PCDH15: variants seen among roughly 807,000 people sequenced by gnomAD.
PCDH15 encodes protocadherin-15.
PCDH15 carries 129 observed loss-of-function variants against 178.5 expected under a neutral mutation model. The ratio of observed to expected loss-of-function variants is 0.72; its 90% CI spans 0.63 to 0.84. The LOEUF is 0.84. PCDH15 is among the 40% of genes least tolerant of loss of function. The probability of loss-of-function intolerance (pLI) is 0.00; values close to 1 mark genes in which losing one functional copy is unlikely to be tolerated. For synonymous variants in PCDH15, 800 were observed against 732.0 expected, an observed-to-expected ratio of 1.09 and a Z score of -1.50; for missense variants, 2,230 against 2,099.9, an observed-to-expected ratio of 1.06 and a Z score of -1.21.
At chr10:55,228,191 T>A (rs755909475) in intron 1 of PCDH15, among the ~76,000 whole-genome samples, 2 of 152,152 alleles carry the variant, frequency 1.3e-5, no homozygotes, top group African/African-American at 2.4e-5. Flanking sequence ...TCATGTATCA[T>A]GTTGCATACA....
At chr10:54,839,998 C>G (rs1953389775) in intron 3 of PCDH15, among the ~76,000 whole-genome samples, 1 of 151,912 alleles carries the variant, frequency 6.6e-6, no homozygotes, top group South Asian at 2.1e-4. Flanking sequence ...CACACATGAA[C>G]ACACACACAA....
At position 53,807,091 on chromosome 10, in the gene PCDH15, C is replaced by A; in HGVS notation, c.4711G>T (p.Glu1571Ter). Reference sequence around the variant, plus strand: ...TCTCCAGTTGAGCTGGTTTCATACTCTCGATCAACAACTAACTTGATCATT... The same window carrying A: ...TCTCCAGTTGAGCTGGTTTCATACTATCGATCAACAACTAACTTGATCATT... ...KRMIKLVVDR[E>*]YETSSTGEDS... The change falls in exon 38 of 38, where the codon GAG becomes TAG. Residue 1571 changes from glutamate (E) to a stop codon, truncating the protein, a stop_gained. Coordinates refer to ENST00000644397, the MANE Select transcript of PCDH15 (RefSeq NM_001384140.1). LOFTEE classifies it high-confidence loss of function. The A allele has an allele frequency of 6.2e-7, 1 of 1,611,720 alleles. No homozygotes were observed. The highest frequency in any genetic ancestry group is 8.5e-7 in the Non-Finnish European group (1 of 1,179,084).
chr10:54,411,581 A>G (rs1035250867), intron 3 of PCDH15, among the ~76,000 whole-genome samples: 1 of 152,200 alleles, frequency 6.6e-6, no homozygotes, highest in African/African-American at 2.4e-5. Flanking sequence ...ATTAAATGAT[A>G]AGCTACAGAT....
At chr10:53,945,872 T>C (rs2086524258) in intron 23 of PCDH15, among the ~76,000 whole-genome samples, 1 of 88,192 alleles carries the variant, frequency 1.1e-5, no homozygotes, top group Non-Finnish European at 2.3e-5. Context: ...TATATATATA[T>C]ATATATATAT....
chr10:54,802,856 T>C (rs1385422417), upstream of PCDH15, among the ~76,000 whole-genome samples: 1 of 152,188 alleles, frequency 6.6e-6, no homozygotes. Flanking sequence ...ATCAGAAATA[T>C]AGCTAGAAAA....
intron 1 of PCDH15, among the ~76,000 whole-genome samples, chr10:54,784,705 T>C (rs1246111135): frequency 2.7e-5 from 4 of 149,542 alleles, no homozygotes; most frequent in Admixed American, 6.6e-5. Context: ...CCAAGGAAAA[T>C]TGTGGTGCTA....
chr10:55,502,850 T>C (rs1411452913), intron 2 of PCDH15, among the ~76,000 whole-genome samples: 3 of 151,686 alleles, frequency 2.0e-5, no homozygotes, highest in African/African-American at 7.2e-5. Context: ...TTTTTTTTCG[T>C]GTTTTGAAGA....
intron 2 of PCDH15, among the ~76,000 whole-genome samples, chr10:54,592,760 A>G (rs187407830): frequency 1.3e-5 from 2 of 152,264 alleles, no homozygotes; most frequent in East Asian, 1.9e-4. Context: ...TGTTAAAGGA[A>G]TCTTCATATT....
chr10:54,451,248 C>T (rs1189763213), intron 3 of PCDH15, among the ~76,000 whole-genome samples: 1 of 151,836 alleles, frequency 6.6e-6, no homozygotes, highest in Non-Finnish European at 1.5e-5. Flanking sequence ...TTTATAAACT[C>T]ATATTCTTAT....
chr10:55,609,015 T>TACAC (rs1290621408), intron 2 of PCDH15, among the ~76,000 whole-genome samples: 15 of 126,890 alleles, frequency 1.2e-4, no homozygotes, highest in Middle Eastern at 3.9e-3. Context: ...TATATATATA[T>TACAC]ACACACACAC....
intron 3 of PCDH15, among the ~76,000 whole-genome samples, chr10:54,883,128 C>T (rs1954293450): frequency 6.6e-6 from 1 of 151,878 alleles, no homozygotes; most frequent in South Asian, 2.1e-4. Context: ...ACCTTATCTT[C>T]CTATATGTAA....
chr10:55,107,429 T>G (rs1324115565), intron 2 of PCDH15, among the ~76,000 whole-genome samples: 1 of 152,074 alleles, frequency 6.6e-6, no homozygotes, highest in Non-Finnish European at 1.5e-5. Context: ...GCCTATGAAT[T>G]TTTACCACAA....
At chr10:55,258,048 T>C (rs1394100732) in intron 1 of PCDH15, among the ~76,000 whole-genome samples, 1 of 152,136 alleles carries the variant, frequency 6.6e-6, no homozygotes, top group Non-Finnish European at 1.5e-5. Flanking sequence ...TACAAGTCTT[T>C]TCAATTCATC....
chr10:54,113,639 G>GACACACACACACACACACACAC (rs57193886), intron 15 of PCDH15, among the ~76,000 whole-genome samples: 2,008 of 149,808 alleles, frequency 0.013, 26 homozygotes, highest in Middle Eastern at 0.062. Flanking sequence ...TCCCAACACA[G>GACACACACACACACACACACAC]ACACACACAC....
At chr10:53,839,038 A>C (rs1487227971) in intron 29 of PCDH15, among the ~76,000 whole-genome samples, 2 of 151,808 alleles carry the variant, frequency 1.3e-5, no homozygotes, top group Admixed American at 1.3e-4. Context: ...CCCCGTCTCT[A>C]CTAAAAATAC....
At chr10:54,105,277 G>GATATATAT (rs55696020) in intron 15 of PCDH15, among the ~76,000 whole-genome samples, 18 of 90,460 alleles carry the variant, frequency 2.0e-4, no homozygotes, top group East Asian at 1.5e-3. Flanking sequence ...TATAGATGGA[G>GATATATAT]ATATATATAT....
At chr10:54,649,565 A>C (rs2094207852) in intron 2 of PCDH15, among the ~76,000 whole-genome samples, 2 of 152,162 alleles carry the variant, frequency 1.3e-5, no homozygotes, top group South Asian at 4.1e-4. Flanking sequence ...ATGAAGAACA[A>C]TATATATGTA....
At chr10:55,365,511 T>C (rs1432609386) in intron 2 of PCDH15, among the ~76,000 whole-genome samples, 1 of 152,106 alleles carries the variant, frequency 6.6e-6, no homozygotes, top group African/African-American at 2.4e-5. Context: ...TGATATGGTT[T>C]GGGTGTGTTC....
intron 2 of PCDH15, among the ~76,000 whole-genome samples, chr10:55,500,091 T>G (rs1007224768): frequency 6.6e-6 from 1 of 151,726 alleles, no homozygotes; most frequent in Non-Finnish European, 1.5e-5. Context: ...GAAAAGAAAT[T>G]GTTAATGGTG....
Sources: gnomAD v4.1 joint callset for allele counts (sites outside exome capture counted in the v4.1 genomes callset) on GRCh38, gnomAD v4.1.1 for gene constraint, MANE v1.5 for transcripts, NCBI Gene and HGNC (gene_info 2026-07-23, HGNC 2026-07-21) for gene names.